Variants in CD226 observed in about 807,000 individuals in gnomAD.
CD226 encodes CD226 antigen.
A neutral mutation model predicts 34.9 loss-of-function variants in CD226; 24 were observed. The observed-to-expected ratio is 0.69, with a 90% CI of 0.50 to 0.97. The LOEUF (loss-of-function observed/expected upper bound fraction) is 0.97. Ranked by LOEUF, CD226 falls within the 50% of genes least tolerant of loss-of-function variation. The pLI is 0.00. For missense variants in CD226, 397 were observed against 412.7 expected, an observed-to-expected ratio of 0.96 and a Z score of 0.33; for synonymous variants, 148 against 147.4, an observed-to-expected ratio of 1.00 and a Z score of -0.03.
upstream of CD226, among the ~76,000 whole-genome samples, chr18:69,948,242 C>G (rs1568209470): frequency 6.6e-6 from 1 of 152,124 alleles, no homozygotes; most frequent in Non-Finnish European, 1.5e-5. Flanking sequence ...TCTCTTCTTT[C>G]TCTTATAAAA....
chr18:69,866,779 G>C (rs1236792390), intron 5 of CD226, among the ~76,000 whole-genome samples: 1 of 152,092 alleles, frequency 6.6e-6, no homozygotes, highest in African/African-American at 2.4e-5. Flanking sequence ...GCTGGAGAGG[G>C]GTGGGCCTTT....
At chr18:69,949,026 C>G (rs1055885306), upstream of CD226, among the ~76,000 whole-genome samples, 1 of 152,112 alleles carries the variant, frequency 6.6e-6, no homozygotes, top group African/African-American at 2.4e-5. Flanking sequence ...AGAGGCGTGA[C>G]AATGCGGGTG....
rs145096590 is a variant in CD226 at position 69,889,915 on chromosome 18, T to C, written c.727+5786A>G. On this transcript the variant is annotated intron_variant, in intron 3 of 5. Coordinates refer to ENST00000582621, the MANE Select transcript of CD226 (RefSeq NM_001303618.2). ...ATCCTTCTATTCAGATGACCAGCAA[T>C]TATGTGCCACTTATATTAAAAATTC... Among the ~76,000 whole-genome samples the C allele has an allele frequency of 6.5e-3, 992 of 152,330 alleles. 2 individuals are homozygous for C. Among genetic ancestry groups the C allele is most frequent in the Non-Finnish European group, 0.011 (729 of 68,032 alleles).
intron 2 of CD226, among the ~76,000 whole-genome samples, chr18:69,926,288 T>C (rs1463644785): frequency 6.6e-6 from 1 of 152,084 alleles, no homozygotes; most frequent in Non-Finnish European, 1.5e-5. Flanking sequence ...TTTGTATTTC[T>C]TCTCGGGACC....
At chr18:69,884,317 G>A (rs1984435327) in intron 3 of CD226, among the ~76,000 whole-genome samples, 2 of 152,186 alleles carry the variant, frequency 1.3e-5, no homozygotes, top group Non-Finnish European at 2.9e-5. Flanking sequence ...TGATCCTGAT[G>A]TTGGTGTTCC....
chr18:69,880,632 G>A (rs1984194778), intron 3 of CD226, among the ~76,000 whole-genome samples: 1 of 150,240 alleles, frequency 6.7e-6, no homozygotes, highest in Admixed American at 6.7e-5. Context: ...AGATACACGA[G>A]GGGAATAAGT....
At chr18:69,946,546 G>A (rs1310924729) in intron 2 of CD226, among the ~76,000 whole-genome samples, 188 bp downstream of exon 2, 2 of 152,168 alleles carry the variant, frequency 1.3e-5, no homozygotes, top group African/African-American at 4.8e-5. Context: ...CAACAGCACA[G>A]TCAGAAAAAT....
At chr18:69,946,180 CAAAAAAAAAAAAAAA>C (rs60750165) in intron 2 of CD226, among the ~76,000 whole-genome samples, 5 of 66,376 alleles carry the variant, frequency 7.5e-5, no homozygotes, top group African/African-American at 2.2e-4. Context: ...AAGACTCCAT[CAAAAAAAAAAAAAAA>C]AAAAAAAAAA....
chr18:69,853,944 C>G lies in CD226; in HGVS notation c.*10370G>C, dbSNP rs1242697104. ...TTTATAAAGATGAGCCAAAGAGCAG[C>G]CTAGACGAGAGCAAGTCATATGGAA... On this transcript the variant is annotated 3_prime_UTR_variant, in exon 6 of 6. Coordinates refer to ENST00000582621, the MANE Select transcript of CD226 (RefSeq NM_001303618.2). The G allele has an allele frequency of 6.6e-6, 1 of 152,184 alleles. No homozygotes were observed. 9.4% of individuals were successfully genotyped at this position (152,184 alleles called of 1,614,324 possible). A position where few individuals can be genotyped will look rare whatever the true frequency, so the allele number is the denominator to read the frequency against.
At chr18:69,907,112 T>C (rs1016333225) in intron 2 of CD226, among the ~76,000 whole-genome samples, 1 of 152,174 alleles carries the variant, frequency 6.6e-6, no homozygotes, top group Non-Finnish European at 1.5e-5. Flanking sequence ...TTGCTGGATC[T>C]CTCCTTCCCT....
chr18:69,935,167 G>A (rs183445180), intron 2 of CD226, among the ~76,000 whole-genome samples: 2,474 of 152,232 alleles, frequency 0.016, 46 homozygotes, highest in Non-Finnish European at 0.02. Flanking sequence ...ACTTTCTTCA[G>A]TTACTTATTT....
chr18:69,879,441 G>A (rs961205846), intron 3 of CD226, among the ~76,000 whole-genome samples: 4 of 152,080 alleles, frequency 2.6e-5, no homozygotes, highest in African/African-American at 9.7e-5. Flanking sequence ...CCTTACTGGG[G>A]AAGGAATTCA....
At chr18:69,870,046 C>T (rs1473740566) in intron 4 of CD226, among the ~76,000 whole-genome samples, 1 of 151,592 alleles carries the variant, frequency 6.6e-6, no homozygotes, top group African/African-American at 2.4e-5. Flanking sequence ...TCATGATCTG[C>T]CCACCTCGGC....
upstream of CD226, among the ~76,000 whole-genome samples, chr18:69,948,261 C>T (rs2055816650): frequency 1.3e-5 from 2 of 152,054 alleles, no homozygotes. Context: ...AATACAAGTT[C>T]CAATTCTTAA....
chr18:69,901,693 C>T lies in CD226; in HGVS notation c.383-5648G>A, dbSNP rs556734892. Among the ~76,000 whole-genome samples, 331 of 152,172 alleles carry T rather than the reference C, an allele frequency of 2.2e-3. 2 individuals carry two copies. Among genetic ancestry groups the T allele is most frequent in the Non-Finnish European group, 3.7e-3 (250 of 67,998 alleles). ...AGGAGATCAAGACCATCCTGGCTAA[C>T]ATGGTGAAACCCCGTCTCTACTAAA... On this transcript the variant is annotated intron_variant, in intron 2 of 5. Coordinates refer to ENST00000582621, the MANE Select transcript of CD226 (RefSeq NM_001303618.2).
intron 2 of CD226, among the ~76,000 whole-genome samples, chr18:69,933,338 T>C: frequency 6.6e-6 from 1 of 152,242 alleles, no homozygotes; most frequent in East Asian, 1.9e-4. Flanking sequence ...TTGTTTTTCA[T>C]GTGCCTCAAA....
chr18:69,922,912 G>A (rs762485577), intron 2 of CD226, among the ~76,000 whole-genome samples: 7 of 152,016 alleles, frequency 4.6e-5, no homozygotes, highest in Non-Finnish European at 7.4e-5. Flanking sequence ...CAGGCAGATC[G>A]CCTAAGGTCA....
intron 2 of CD226, among the ~76,000 whole-genome samples, chr18:69,921,739 A>C (rs1429796566): frequency 2.0e-5 from 3 of 152,020 alleles, no homozygotes; most frequent in African/African-American, 7.2e-5. Flanking sequence ...AAATCTACAC[A>C]CTCCAAGTTT....
chr18:69,907,743 G>A (rs1598997559), intron 2 of CD226, among the ~76,000 whole-genome samples: 1 of 152,310 alleles, frequency 6.6e-6, no homozygotes, highest in East Asian at 1.9e-4. Context: ...CAAAACCTCA[G>A]TCAGACAGAA....
Sources: gnomAD v4.1 joint callset for allele counts (sites outside exome capture counted in the v4.1 genomes callset) on GRCh38, gnomAD v4.1.1 for gene constraint, MANE v1.5 for transcripts, NCBI Gene and HGNC (gene_info 2026-07-23, HGNC 2026-07-21) for gene names.